The following EYS variants were observed in gnomAD, a reference collection of about 807,000 sequenced individuals.
EYS encodes EGF-like photoreceptor maintenance factor.
EYS carries 250 observed loss-of-function variants against 282.1 expected under a neutral mutation model. The observed-to-expected ratio is 0.89, with a 90% CI of 0.80 to 0.98. The LOEUF is 0.98. EYS is among the 50% of genes least tolerant of loss of function. The probability of loss-of-function intolerance (pLI) is 0.00; values close to 1 mark genes in which losing one functional copy is unlikely to be tolerated. For synonymous variants in EYS, 1,355 were observed against 1,282.9 expected, an observed-to-expected ratio of 1.06 and a Z score of -1.20; for missense variants, 4,016 against 3,709.0, an observed-to-expected ratio of 1.08 and a Z score of -2.15.
chr6:64,630,577 A>G (rs1042237896), intron 22 of EYS, among the ~76,000 whole-genome samples: 1 of 152,202 alleles, frequency 6.6e-6, no homozygotes. Flanking sequence ...TTCTTGATCA[A>G]GTGTTAAAAT....
intron 13 of EYS, among the ~76,000 whole-genome samples, chr6:65,053,239 A>G (rs184193131): frequency 9.2e-5 from 14 of 151,934 alleles, no homozygotes; most frequent in African/African-American, 2.9e-4. Context: ...AAATGTTTGA[A>G]CTAGGGTAAA....
At chr6:64,794,445 GA>G (rs1774292051) in intron 22 of EYS, among the ~76,000 whole-genome samples, 1 of 152,096 alleles carries the variant, frequency 6.6e-6, no homozygotes, top group South Asian at 2.1e-4. Context: ...CTGGTTGTTT[GA>G]AAGTGTGGAG....
chr6:65,138,880 A>C (rs1776097695), intron 12 of EYS, among the ~76,000 whole-genome samples: 1 of 152,062 alleles, frequency 6.6e-6, no homozygotes, highest in South Asian at 2.1e-4. Flanking sequence ...TCAAAACCAC[A>C]ATGAGATACC....
intron 30 of EYS, among the ~76,000 whole-genome samples, chr6:64,251,033 C>G (rs962287063): frequency 6.6e-6 from 1 of 152,244 alleles, no homozygotes; most frequent in African/African-American, 2.4e-5. Flanking sequence ...TTTATCTCAC[C>G]TTGTTCATTA....
chr6:65,340,021 T>C (rs544051411), intron 10 of EYS, among the ~76,000 whole-genome samples: 2 of 151,194 alleles, frequency 1.3e-5, no homozygotes, highest in African/African-American at 2.4e-5. Context: ...GGAAGGTTGT[T>C]TTGGCTCTAT....
At chr6:64,239,446 C>G (rs956562950) in intron 30 of EYS, among the ~76,000 whole-genome samples, 2 of 152,214 alleles carry the variant, frequency 1.3e-5, no homozygotes, top group African/African-American at 4.8e-5. Flanking sequence ...GATTGCCATT[C>G]TAACTGGAGT....
chr6:65,209,761 T>C (rs1766127164), intron 12 of EYS, among the ~76,000 whole-genome samples: 1 of 151,948 alleles, frequency 6.6e-6, no homozygotes, highest in Non-Finnish European at 1.5e-5. Flanking sequence ...GTACATACTA[T>C]GGTCAGGGAT....
chr6:64,195,091 GT>G (rs1475953452), intron 31 of EYS, among the ~76,000 whole-genome samples: 2 of 151,672 alleles, frequency 1.3e-5, no homozygotes, highest in South Asian at 4.2e-4. Context: ...GTCAATATTT[GT>G]TTATATTTAC....
intron 2 of EYS, among the ~76,000 whole-genome samples, chr6:65,545,201 G>A (rs1768336272): frequency 6.6e-6 from 1 of 150,770 alleles, no homozygotes; most frequent in South Asian, 2.1e-4. Context: ...AGAATTACAG[G>A]TGCGAGCCAC....
At chr6:65,334,811 A>T in intron 11 of EYS, 169 bp downstream of exon 11, 1 of 594,476 alleles carries the variant, frequency 1.7e-6, no homozygotes, top group Non-Finnish European at 2.9e-6. Flanking sequence ...AACATGTATT[A>T]TGTAACATAA....
At chr6:64,931,976 G>C (rs1768741350) in intron 15 of EYS, among the ~76,000 whole-genome samples, 1 of 152,038 alleles carries the variant, frequency 6.6e-6, no homozygotes, top group East Asian at 1.9e-4. Context: ...GGAAGAACTA[G>C]TCAAACATAC....
chr6:64,863,738 A>T (rs1187255703), intron 19 of EYS, among the ~76,000 whole-genome samples: 2 of 152,146 alleles, frequency 1.3e-5, no homozygotes, highest in Non-Finnish European at 2.9e-5. Flanking sequence ...TAAACCTGCC[A>T]TTTATCTCAT....
At chr6:65,331,305 A>G in intron 11 of EYS, 2 of 653,138 alleles carry the variant, frequency 3.1e-6, no homozygotes, top group Non-Finnish European at 3.8e-6. Flanking sequence ...TTCAGTGTAT[A>G]TATAATTTTC....
chr6:64,941,563 G>A (rs921932868), intron 15 of EYS, among the ~76,000 whole-genome samples: 1 of 152,026 alleles, frequency 6.6e-6, no homozygotes, highest in African/African-American at 2.4e-5. Flanking sequence ...CACCCAGGTA[G>A]TGAGCATAGT....
intron 5 of EYS, among the ~76,000 whole-genome samples, chr6:65,431,404 T>C (rs1582282328): frequency 6.6e-6 from 1 of 152,164 alleles, no homozygotes; most frequent in East Asian, 1.9e-4. Flanking sequence ...CTGAAGATAG[T>C]TGTCTTCTAT....
intron 31 of EYS, among the ~76,000 whole-genome samples, chr6:64,093,345 A>T (rs1772445155): frequency 6.6e-6 from 1 of 152,160 alleles, no homozygotes; most frequent in Non-Finnish European, 1.5e-5. Context: ...TACCTCGGGC[A>T]GTATGGCCAT....
intron 15 of EYS, among the ~76,000 whole-genome samples, chr6:64,928,364 G>A (rs949995033): frequency 2.6e-4 from 39 of 151,910 alleles, no homozygotes; most frequent in African/African-American, 9.2e-4. Flanking sequence ...ATTTCCATAT[G>A]TGATTACCTT....
chr6:64,190,626 A>G (rs1309160336), intron 31 of EYS, among the ~76,000 whole-genome samples: 2 of 152,194 alleles, frequency 1.3e-5, no homozygotes, highest in Non-Finnish European at 2.9e-5. Context: ...CAAAGATCTT[A>G]TGGGATTTGA....
intron 31 of EYS, among the ~76,000 whole-genome samples, chr6:64,100,602 T>C (rs1405929624): frequency 6.6e-6 from 1 of 152,152 alleles, no homozygotes; most frequent in Non-Finnish European, 1.5e-5. Context: ...TGAGGATCAA[T>C]AGTAACCCAA....
Sources: allele counts gnomAD v4.1 joint callset (sites outside exome capture counted in the v4.1 genomes callset), GRCh38; gene constraint gnomAD v4.1.1; transcripts MANE v1.5; gene names NCBI Gene and HGNC (gene_info 2026-07-23, HGNC 2026-07-21).